The following KIF21A variants were observed in gnomAD, a reference collection of about 807,000 sequenced individuals.
KIF21A encodes kinesin family member 21A, also known as kinesin-like protein KIF21A.
KIF21A carries 114 observed loss-of-function variants against 202.9 expected under a neutral mutation model. That is an observed-to-expected ratio of 0.56 (90% CI 0.48 to 0.66). The LOEUF is 0.66. KIF21A is among the 30% of genes least tolerant of loss of function. The probability of loss-of-function intolerance (pLI) is 0.00; values close to 1 mark genes in which losing one functional copy is unlikely to be tolerated. For missense variants in KIF21A, 1,677 were observed against 1,994.9 expected (o/e 0.84, Z 3.04); for synonymous variants, 667 against 670.8 (o/e 0.99, Z 0.09).
At chr12:39,378,117 T>G (rs1950376397) in intron 1 of KIF21A, among the ~76,000 whole-genome samples, 1 of 152,140 alleles carries the variant, frequency 6.6e-6, no homozygotes, top group Admixed American at 6.6e-5. Context: ...AAATAAAAAT[T>G]TATTTCCCTC....
intron 26 of KIF21A, among the ~76,000 whole-genome samples, chr12:39,323,511 C>T (rs1418619605): frequency 6.6e-6 from 1 of 152,070 alleles, no homozygotes; most frequent in Non-Finnish European, 1.5e-5. Context: ...TGGACAACAC[C>T]AGCTAGTATC....
In KIF21A at chr12:39,385,264, T is replaced by G. The variant is rs181272487; in HGVS notation, c.45-15003A>C. Among the ~76,000 whole-genome samples, 86 of 152,102 alleles carry G rather than the reference T, an allele frequency of 5.7e-4. No homozygotes were observed. In the East Asian group the frequency reaches 0.015, roughly 27 times the overall value. On this transcript the variant is annotated intron_variant, in intron 1 of 37. Coordinates refer to ENST00000361418, the MANE Select transcript of KIF21A (RefSeq NM_001173464.2). Reference sequence around the variant, plus strand: ...GGCAGTGGGCTGAGGAAGCAACCACTGAGAAAGAAGGAAGGGCAGAGAAAA... The same window carrying G: ...GGCAGTGGGCTGAGGAAGCAACCACGGAGAAAGAAGGAAGGGCAGAGAAAA...
intron 31 of KIF21A, among the ~76,000 whole-genome samples, chr12:39,314,605 T>C (rs1375167132): frequency 6.6e-6 from 1 of 151,846 alleles, no homozygotes; most frequent in Non-Finnish European, 1.5e-5. Flanking sequence ...TAATAACAAA[T>C]CTTCTTAAGA....
At chr12:39,393,076 G>A (rs2139687444) in intron 1 of KIF21A, among the ~76,000 whole-genome samples, 1 of 151,088 alleles carries the variant, frequency 6.6e-6, no homozygotes, top group East Asian at 2.0e-4. Flanking sequence ...GGAAATTGCT[G>A]TGTAGGGAAC....
chr12:39,378,744 G>C (rs1466441379), intron 1 of KIF21A, among the ~76,000 whole-genome samples: 4 of 152,170 alleles, frequency 2.6e-5, no homozygotes, highest in Non-Finnish European at 5.9e-5. Flanking sequence ...AAAACTTGAG[G>C]AGTGTAACCA....
intron 1 of KIF21A, among the ~76,000 whole-genome samples, chr12:39,402,639 T>C (rs534302425): frequency 1.7e-4 from 26 of 152,336 alleles, no homozygotes; most frequent in South Asian, 8.3e-4. Flanking sequence ...ACATACATTA[T>C]ATCAAACTTG....
At chr12:39,338,407 A>C (rs1947163839) in intron 16 of KIF21A, among the ~76,000 whole-genome samples, 1 of 152,228 alleles carries the variant, frequency 6.6e-6, no homozygotes, top group Non-Finnish European at 1.5e-5. Context: ...AAAATAAAAA[A>C]AATTACAGTA....
intron 26 of KIF21A, among the ~76,000 whole-genome samples, chr12:39,324,248 A>T (rs1045174768): frequency 2.0e-5 from 3 of 152,196 alleles, no homozygotes; most frequent in Non-Finnish European, 4.4e-5. Context: ...CTCCACAGCC[A>T]AGAACCTAGA....
rs201169579 is a variant in KIF21A, at chr12:39,416,814, T to TAC, written c.44+26112_44+26113insGT. Among the ~76,000 whole-genome samples the TAC allele has an allele frequency of 6.6e-4, 52 of 78,558 alleles. 2 individuals carry two copies. In the East Asian group the frequency reaches 0.01, roughly 16 times the overall value. 51.5% of individuals were successfully genotyped at this position (78,558 alleles called of 152,430 possible). On this transcript the variant is annotated intron_variant, in intron 1 of 37. Coordinates refer to ENST00000361418, the MANE Select transcript of KIF21A (RefSeq NM_001173464.2). ...GTATATATATGTACATATATATGTG[T>TAC]GTATATATGTACATATATGTGTATA...
At chr12:39,412,803 CTTTT>C (rs1478620343) in intron 1 of KIF21A, among the ~76,000 whole-genome samples, 4 of 152,162 alleles carry the variant, frequency 2.6e-5, no homozygotes, top group African/African-American at 9.7e-5. Flanking sequence ...CAAATACCTA[CTTTT>C]GAACTACCTG....
intron 5 of KIF21A, 134 bp downstream of exon 5, chr12:39,366,896 T>C: frequency 1.1e-6 from 1 of 902,298 alleles, no homozygotes; most frequent in Admixed American, 2.0e-5. Context: ...TCAACTTAAC[T>C]AGGATCAGAA....
In KIF21A at chr12:39,340,251, G is replaced by A. The variant is rs752626804; in HGVS notation, c.2224C>T (p.His742Tyr). Residue 742 changes from histidine (H) to tyrosine (Y), a missense_variant, in exon 16 of 38, where the codon CAT becomes TAT. Coordinates refer to ENST00000361418, the MANE Select transcript of KIF21A (RefSeq NM_001173464.2). ...GACTGATTTTTAAGCAACCTTGCAT[G>A]TTCTTTTTGAGCTGCTTGAAGTCTC... ...LQRLQAAQKE[H>Y]ARLLKNQSQY... 10 of 1,613,052 alleles carry A rather than the reference G, an allele frequency of 6.2e-6. No homozygotes were observed. The South Asian group carries it at 1.1e-4, about 18-fold the overall frequency.
chr12:39,302,943 C>T, intron 36 of KIF21A, 22 bp downstream of exon 36: 1 of 1,607,462 alleles, frequency 6.2e-7, no homozygotes, highest in South Asian at 1.1e-5. Flanking sequence ...CCACTCTATA[C>T]CATGAAAAGG....
chr12:39,388,632 A>C (rs1951123588), intron 1 of KIF21A, among the ~76,000 whole-genome samples: 2 of 152,198 alleles, frequency 1.3e-5, no homozygotes, highest in Admixed American at 1.3e-4. Flanking sequence ...TCTCTTATTT[A>C]CACACCTATT....
At chr12:39,316,440 G>A (rs1167256245) in intron 29 of KIF21A, among the ~76,000 whole-genome samples, 1 of 152,080 alleles carries the variant, frequency 6.6e-6, no homozygotes, top group African/African-American at 2.4e-5. Context: ...CACATAGAAA[G>A]CAAGTCACTC....
chr12:39,305,235 G>A (rs1320311227), intron 34 of KIF21A, among the ~76,000 whole-genome samples: 1 of 151,784 alleles, frequency 6.6e-6, no homozygotes, highest in Non-Finnish European at 1.5e-5. Context: ...ATGTGGTGGT[G>A]GGTGCCTGTA....
chr12:39,343,868 T>C (rs1947663843), intron 12 of KIF21A, among the ~76,000 whole-genome samples: 1 of 152,160 alleles, frequency 6.6e-6, no homozygotes. Context: ...AATAAACCAA[T>C]CCCTGTGACT....
chr12:39,402,935 C>A (rs977851659), intron 1 of KIF21A, among the ~76,000 whole-genome samples: 3 of 152,222 alleles, frequency 2.0e-5, no homozygotes, highest in Non-Finnish European at 4.4e-5. Flanking sequence ...TAACACATTG[C>A]AAGAGAAGAA....
chr12:39,331,729 T>C lies in KIF21A; in HGVS notation c.3114A>G (p.Arg1038=). 1.2e-6 allele frequency: 2 copies of C among 1,613,722 alleles called. No homozygotes were observed. Among genetic ancestry groups the C allele is most frequent in the Middle Eastern group, 1.7e-4 (1 of 6,058 alleles). Reference sequence around the variant, plus strand: ...TTGACAGGAAGTGATCTAGCAGGTATCGGGCTTCTGTAAGGGTGCAGGCAT... The same window carrying C: ...TTGACAGGAAGTGATCTAGCAGGTACCGGGCTTCTGTAAGGGTGCAGGCAT... ...VINACTLTEA[R]YLLDHFLSMG... is the part of the protein sequence containing the mutation. Residue 1038 remains arginine (R), a synonymous_variant, in exon 22 of 38, where the codon CGA becomes CGG. Coordinates refer to ENST00000361418, the MANE Select transcript of KIF21A (RefSeq NM_001173464.2).
Sources: allele counts gnomAD v4.1 joint callset (sites outside exome capture counted in the v4.1 genomes callset), GRCh38; gene constraint gnomAD v4.1.1; transcripts MANE v1.5; gene names NCBI Gene and HGNC (gene_info 2026-07-23, HGNC 2026-07-21).